Variants in SH3TC1 observed in about 807,000 individuals in gnomAD.
SH3TC1 encodes SH3 domain and tetratricopeptide repeat-containing protein 1.
In SH3TC1, 135 loss-of-function variants were observed where a neutral mutation model predicts 117.3. That is an observed-to-expected ratio of 1.15 (90% CI 1.00 to 1.33). The LOEUF (loss-of-function observed/expected upper bound fraction) is 1.33, where lower values mean the gene tolerates loss of function less well. Ranked by LOEUF, SH3TC1 falls within the 40% of genes most tolerant of loss-of-function variation. The pLI is 0.00. For synonymous variants in SH3TC1, 898 were observed against 816.9 expected, an observed-to-expected ratio of 1.10 and a Z score of -1.69; for missense variants, 2,092 against 1,794.3, an observed-to-expected ratio of 1.17 and a Z score of -3.00.
At chr4:8,232,207 C>A in intron 13 of SH3TC1, 51 bp downstream of exon 13, 1 of 52,378 alleles carries the variant, frequency 1.9e-5, no homozygotes, top group South Asian at 2.2e-4. Flanking sequence ...GCAAAGGGGG[C>A]GGCGGGGCGG....
chr4:8,205,804 A>G lies in SH3TC1; in HGVS notation c.172+438A>G, dbSNP rs1336012313. ...CCACCCTGTGGTCAGGGGCCGGGCC[A>G]GGACGTGTGCCCAGTTTCCTGAATT... is the stretch of plus-strand genomic sequence containing the variant. On this transcript the variant is annotated intron_variant, in intron 2 of 17. Coordinates refer to ENST00000245105, the MANE Select transcript of SH3TC1 (RefSeq NM_018986.5). This position sits in a 1 kb window ranked among gnomAD's most constrained non-coding sequence, Gnocchi z 5.4. 6 of 606,056 alleles carry G rather than the reference A, an allele frequency of 9.9e-6. No individual in the cohort carries two copies. The African/African-American group carries it at 1.1e-4, about 11-fold the overall frequency. 37.5% of individuals were successfully genotyped at this position (606,056 alleles called of 1,614,324 possible).
At chr4:8,207,076 GCAA>G (rs1357780130) in intron 2 of SH3TC1, among the ~76,000 whole-genome samples, 4 of 72,916 alleles carry the variant, frequency 5.5e-5, no homozygotes, top group African/African-American at 1.0e-4. Flanking sequence ...ATCCTTTATA[GCAA>G]AAAAAAAAAA....
rs1717232154 is a variant in SH3TC1, at chr4:8,186,701, T to C, written c.-57+4491T>C. Among the ~76,000 whole-genome samples, 1 of 152,142 alleles carries C rather than the reference T, an allele frequency of 6.6e-6. No homozygotes were observed. The highest frequency in any genetic ancestry group is 1.5e-5 in the Non-Finnish European group (1 of 68,012). On this transcript the variant is annotated intron_variant, in intron 1 of 16. Transcript: ENST00000508641. This position sits in a 1 kb window ranked among gnomAD's most constrained non-coding sequence, Gnocchi z 5.2. Reference sequence around the variant, plus strand: ...GCTCACGCCTGTAATCCCAGCACTTTGGGAGATGGAGGTGGGTAGATCACT... The same window carrying C: ...GCTCACGCCTGTAATCCCAGCACTTCGGGAGATGGAGGTGGGTAGATCACT...
At position 8,225,714 on chromosome 4, in the gene SH3TC1, CT is replaced by C. The variant is rs1720395398; in HGVS notation, c.1285+499del. On this transcript the variant is annotated intron_variant, in intron 11 of 17. Transcript: ENST00000245105. This position sits in a 1 kb window ranked among gnomAD's most constrained non-coding sequence, Gnocchi z 5.5. ...CCCCTCTACAGCTCTGTCTCTTCCCCTCACACAGGGTCCGCATGGGGAGAGC... is the reference window on the plus strand; with the variant it reads ...CCCCTCTACAGCTCTGTCTCTTCCCCCACACAGGGTCCGCATGGGGAGAGC... 6.6e-6 allele frequency among the ~76,000 whole-genome samples: 1 copy of C among 152,216 alleles called. No homozygotes were observed. The highest frequency in any genetic ancestry group is 1.5e-5 in the Non-Finnish European group (1 of 68,032).
At chr4:8,212,082 T>A (rs1166464558) in intron 3 of SH3TC1, among the ~76,000 whole-genome samples, 1 of 151,548 alleles carries the variant, frequency 6.6e-6, no homozygotes, top group African/African-American at 2.4e-5. Flanking sequence ...GCTGATGTGG[T>A]GTGTGAGTAG....
intron 1 of SH3TC1, among the ~76,000 whole-genome samples, chr4:8,200,352 C>T (rs1411621107): frequency 6.6e-6 from 1 of 152,176 alleles, no homozygotes; most frequent in Non-Finnish European, 1.5e-5. Flanking sequence ...TTCAACCCCA[C>T]CTGTGCTGCT....
Position 8,190,180 on chromosome 4 carries a change from T to C in SH3TC1, c.-57+7970T>C, listed in dbSNP as rs1181081373. On this transcript the variant is annotated intron_variant, in intron 1 of 16. Coordinates refer to the SH3TC1 transcript ENST00000508641. This position sits in a 1 kb window ranked among gnomAD's most constrained non-coding sequence, Gnocchi z 4.7. ...CCCAGTCCAGGTGGGTAGCAGGGAG[T>C]CTGCAGGAATCCCCCTTGGAGCCCT... Among the ~76,000 whole-genome samples, 1 of 151,834 alleles carries C rather than the reference T, an allele frequency of 6.6e-6. No individual in the cohort carries two copies. The highest frequency in any genetic ancestry group is 1.5e-5 in the Non-Finnish European group (1 of 67,966).
Position 8,216,939 on chromosome 4 carries a change from AC to A in SH3TC1, c.629-16del. ...CCCAGTCCGGCCACCCTCAGTGACC[AC>A]CTCCATCCTTTTGAAGGGCCCTTCT... On this transcript the variant is annotated splice_polypyrimidine_tract_variant and intron_variant, in intron 6 of 17. Coordinates refer to ENST00000245105, the MANE Select transcript of SH3TC1 (RefSeq NM_018986.5). The A allele has an allele frequency of 6.2e-7, 1 of 1,613,400 alleles. No individual in the cohort carries two copies. The highest frequency in any genetic ancestry group is 8.5e-7 in the Non-Finnish European group (1 of 1,179,522).
chr4:8,219,156 C>A (rs1422174626), intron 8 of SH3TC1, among the ~76,000 whole-genome samples, 179 bp from the exon 9 acceptor site: 2 of 152,186 alleles, frequency 1.3e-5, no homozygotes, highest in African/African-American at 4.8e-5. Context: ...TAAAAACATC[C>A]CCTCTGAGGA....
rs373041359 is a variant in SH3TC1 at position 8,222,975 on chromosome 4, G to C, written c.1243+5G>C. On this transcript the variant is annotated splice_donor_5th_base_variant and intron_variant, in intron 10 of 17. Coordinates refer to ENST00000245105, the MANE Select transcript of SH3TC1 (RefSeq NM_018986.5). ...TCTGCAGCGTGTACAGCCTGGGTGC[G>C]TGTGGGCGATGCCTGTGGTGGGGCC... 9.3e-6 allele frequency: 15 copies of C among 1,607,148 alleles called. No individual in the cohort carries two copies. Among genetic ancestry groups the C allele is most frequent in the Non-Finnish European group, 1.1e-5 (13 of 1,175,866 alleles).
chr4:8,212,066 C>T (rs1300186199), intron 3 of SH3TC1, among the ~76,000 whole-genome samples: 1 of 151,964 alleles, frequency 6.6e-6, no homozygotes, highest in Non-Finnish European at 1.5e-5. Flanking sequence ...CATGGGGTTG[C>T]TGGTGGCTGA....
At chr4:8,237,441 T>G in intron 16 of SH3TC1, 33 bp from the exon 17 acceptor site, 1 of 1,467,456 alleles carries the variant, frequency 6.8e-7, no homozygotes, top group South Asian at 1.4e-5. Flanking sequence ...GGGAGCCACG[T>G]CCTCACACCT....
intron 13 of SH3TC1, 96 bp from the exon 14 acceptor site, chr4:8,233,267 C>G: frequency 1.3e-6 from 2 of 1,499,960 alleles, no homozygotes; most frequent in Non-Finnish European, 1.8e-6. Context: ...GTTCCCAGTC[C>G]CATTCCAGAT....
chr4:8,199,035 A>G (rs370774204), upstream of SH3TC1, among the ~76,000 whole-genome samples: 83 of 152,294 alleles, frequency 5.4e-4, no homozygotes, highest in African/African-American at 1.7e-3. Flanking sequence ...GACTTCCCCA[A>G]TCCCAGCCTG....
At position 8,216,956 on chromosome 4, in the gene SH3TC1, G is replaced by A; in HGVS notation, c.629-1G>A. The A allele has an allele frequency of 1.2e-6, 2 of 1,614,092 alleles. No homozygotes were observed. The highest frequency in any genetic ancestry group is 1.7e-6 in the Non-Finnish European group (2 of 1,179,982). On this transcript the variant is annotated splice_acceptor_variant, in intron 6 of 17. Coordinates refer to ENST00000245105, the MANE Select transcript of SH3TC1 (RefSeq NM_018986.5). LOFTEE classifies it high-confidence loss of function. ...CAGTGACCACCTCCATCCTTTTGAA[G>A]GGCCCTTCTTTGTCCTGTGTCCTGA...
intron 12 of SH3TC1, 73 bp from the exon 13 acceptor site, chr4:8,231,903 A>G: frequency 6.5e-7 from 1 of 1,547,552 alleles, no homozygotes; most frequent in Non-Finnish European, 8.8e-7. Flanking sequence ...AGCACACCGC[A>G]GGGGCCTCTG....
At chr4:8,232,349 T>C in intron 13 of SH3TC1, 193 bp downstream of exon 13, 1 of 1,570,394 alleles carries the variant, frequency 6.4e-7, no homozygotes, top group Non-Finnish European at 8.6e-7. Context: ...GAGTCCCAGC[T>C]TGAGCTTCCC....
At chr4:8,212,004 C>T (rs1194420182) in intron 3 of SH3TC1, among the ~76,000 whole-genome samples, 3 of 151,802 alleles carry the variant, frequency 2.0e-5, no homozygotes, top group Admixed American at 6.5e-5. Flanking sequence ...AGGTCAGACC[C>T]GCCAAGGCTC....
chr4:8,228,861 C>T (rs1428547385), intron 12 of SH3TC1, among the ~76,000 whole-genome samples: 6 of 152,198 alleles, frequency 3.9e-5, no homozygotes, highest in Non-Finnish European at 8.8e-5. Flanking sequence ...TCCCGGTTTG[C>T]CCAGGGACCA....
Sources: allele counts gnomAD v4.1 joint callset (sites outside exome capture counted in the v4.1 genomes callset), GRCh38; gene constraint gnomAD v4.1.1; non-coding constraint Gnocchi (gnomAD v3.1); transcripts MANE v1.5; gene names NCBI Gene and HGNC (gene_info 2026-07-23, HGNC 2026-07-21).